TM9SF3: variants seen among roughly 807,000 people sequenced by gnomAD.
TM9SF3 encodes transmembrane 9 superfamily member 3, also known as SM-11044-binding protein.
Under a neutral mutation model 78.6 loss-of-function variants are expected in TM9SF3, and 14 were observed. The ratio of observed to expected loss-of-function variants is 0.18; its 90% CI spans 0.12 to 0.28. The LOEUF (loss-of-function observed/expected upper bound fraction) is 0.28. TM9SF3 is among the 10% of genes least tolerant of loss of function. The probability of loss-of-function intolerance (pLI) is 1.00; values close to 1 mark genes in which losing one functional copy is unlikely to be tolerated. For missense variants in TM9SF3, 496 were observed against 721.9 expected, an observed-to-expected ratio of 0.69 and a Z score of 3.59; for synonymous variants, 231 against 241.7, an observed-to-expected ratio of 0.96 and a Z score of 0.41.
chr10:96,548,697 C>T (rs1305161976), intron 7 of TM9SF3, among the ~76,000 whole-genome samples: 1 of 148,260 alleles, frequency 6.7e-6, no homozygotes, highest in Non-Finnish European at 1.5e-5. Flanking sequence ...ACTCGAGAGG[C>T]TGAGGCAGGA....
At chr10:96,575,436 AT>A (rs1246549952) in intron 2 of TM9SF3, among the ~76,000 whole-genome samples, 1 of 151,394 alleles carries the variant, frequency 6.6e-6, no homozygotes, top group African/African-American at 2.4e-5. Flanking sequence ...TAATTTTATA[AT>A]TAAGCCCCAA....
rs878911754 is a variant in TM9SF3 at position 96,522,185 on chromosome 10, CGTTT to C, written c.*74_*77del. 77 of 1,240,902 alleles carry C rather than the reference CGTTT, an allele frequency of 6.2e-5. No homozygotes were observed. Among genetic ancestry groups the C allele is most frequent in the Middle Eastern group, 5.6e-4 (3 of 5,314 alleles). 76.9% of individuals were successfully genotyped at this position (1,240,902 alleles called of 1,614,324 possible). A position where few individuals can be genotyped will look rare whatever the true frequency, so the allele number is the denominator to read the frequency against. ...GTGTTAAAGCCCAAATCTCTTCTTGCGTTTGTTTGTTTTTGCTGTGCAAGTTCCA... is the reference window on the plus strand; with the variant it reads ...GTGTTAAAGCCCAAATCTCTTCTTGCGTTTGTTTTTGCTGTGCAAGTTCCA... On this transcript the variant is annotated 3_prime_UTR_variant, in exon 15 of 15. Transcript: ENST00000371142.
chr10:96,576,440 T>C, intron 2 of TM9SF3, 194 bp downstream of exon 2: 2 of 386,340 alleles, frequency 5.2e-6, no homozygotes, highest in East Asian at 3.9e-5. Flanking sequence ...CTGGTGACTT[T>C]TTTGGTTTTC....
At chr10:96,556,017 T>C (rs189596037) in intron 5 of TM9SF3, among the ~76,000 whole-genome samples, 219 of 152,308 alleles carry the variant, frequency 1.4e-3, no homozygotes, top group African/African-American at 5.2e-3. Context: ...TATTTTCTAA[T>C]CTAAGATATA....
chr10:96,551,439 G>A, intron 6 of TM9SF3, 28 bp from the exon 7 acceptor site: 1 of 1,431,858 alleles, frequency 7.0e-7, no homozygotes, highest in South Asian at 1.6e-5. Context: ...TATAGAGAGA[G>A]AAAAGCAAAT....
At chr10:96,567,670 C>T (rs753153339) in intron 2 of TM9SF3, among the ~76,000 whole-genome samples, 2 of 152,188 alleles carry the variant, frequency 1.3e-5, no homozygotes, top group Non-Finnish European at 2.9e-5. Flanking sequence ...GCATGTAGGC[C>T]TGTACCATTT....
intron 6 of TM9SF3, 51 bp from the exon 7 acceptor site, chr10:96,551,462 A>C (rs368369817): frequency 3.0e-5 from 40 of 1,321,390 alleles, no homozygotes; most frequent in Admixed American, 2.1e-4. Context: ...TTCAGAATCA[A>C]ACTAAAACAT....
rs932437312 is a variant in TM9SF3 at position 96,522,018 on chromosome 10, T to C, written c.*245A>G. ...AGCTAGTTTTTGGGAAGATTAGCCA[T>C]GTACTGTAGTAATGCCTACTGCATA... On this transcript the variant is annotated 3_prime_UTR_variant, in exon 15 of 15. Coordinates refer to ENST00000371142, the MANE Select transcript of TM9SF3 (RefSeq NM_020123.4). 10 of 459,982 alleles carry C rather than the reference T, an allele frequency of 2.2e-5. No homozygotes were observed. The highest frequency in any genetic ancestry group is 3.8e-5 in the Non-Finnish European group (10 of 262,760). The allele number at this position is 459,982 out of a possible 1,614,324, so 28.5% of individuals were successfully genotyped here.
intron 2 of TM9SF3, among the ~76,000 whole-genome samples, chr10:96,568,685 C>T (rs551331575): frequency 1.1e-4 from 16 of 152,144 alleles, no homozygotes; most frequent in Middle Eastern, 3.4e-3. Context: ...AACAGTCTAC[C>T]TCTAATTCAG....
intron 8 of TM9SF3, among the ~76,000 whole-genome samples, chr10:96,546,477 G>T (rs1247288222): frequency 6.6e-6 from 1 of 152,166 alleles, no homozygotes; most frequent in Admixed American, 6.5e-5. Context: ...CTGCTGTGGA[G>T]ACTATTTTGA....
At chr10:96,523,513 A>G (rs1290091473) in intron 14 of TM9SF3, among the ~76,000 whole-genome samples, 2 of 151,896 alleles carry the variant, frequency 1.3e-5, no homozygotes, top group Non-Finnish European at 2.9e-5. Context: ...GAATTAGAAT[A>G]TTATAACCAC....
chr10:96,569,386 T>C (rs560924178), intron 2 of TM9SF3, among the ~76,000 whole-genome samples: 50 of 152,270 alleles, frequency 3.3e-4, no homozygotes, highest in African/African-American at 1.1e-3. Context: ...ACCCAGAGCC[T>C]ACCATCGTGC....
chr10:96,579,168 C>G (rs1024031498), intron 1 of TM9SF3, among the ~76,000 whole-genome samples: 2 of 152,162 alleles, frequency 1.3e-5, no homozygotes, highest in African/African-American at 4.8e-5. Context: ...AGTTCATTGG[C>G]AACTTGGTAA....
chr10:96,551,205 GAAC>G (rs566738554), intron 7 of TM9SF3, 37 bp downstream of exon 7: 52 of 1,476,032 alleles, frequency 3.5e-5, no homozygotes, highest in Middle Eastern at 1.8e-4. Flanking sequence ...AACTATTTAA[GAAC>G]AATAAAGACA....
At chr10:96,543,311 C>T (rs960724206) in intron 9 of TM9SF3, among the ~76,000 whole-genome samples, 1 of 148,514 alleles carries the variant, frequency 6.7e-6, no homozygotes, top group African/African-American at 2.5e-5. Context: ...TCTATAGCAA[C>T]GTATATTATT....
intron 3 of TM9SF3, 77 bp from the exon 4 acceptor site, chr10:96,562,215 A>ATTTT: frequency 8.1e-5 from 77 of 952,718 alleles, no homozygotes; most frequent in African/African-American, 2.7e-4. Context: ...ATGCTCATTA[A>ATTTT]GTTTTTTTTT....
At chr10:96,577,954 T>A (rs1217177176) in intron 1 of TM9SF3, among the ~76,000 whole-genome samples, 1 of 152,138 alleles carries the variant, frequency 6.6e-6, no homozygotes, top group Non-Finnish European at 1.5e-5. Context: ...AAACCTAACA[T>A]CTCCAAAACC....
In TM9SF3 at chr10:96,527,159, G is replaced by A. The variant is rs774412424; in HGVS notation, c.1702+54C>T. 87 of 1,450,154 alleles carry A rather than the reference G, an allele frequency of 6.0e-5. 1 individual carries two copies. In the Admixed American group the frequency reaches 1.3e-3, roughly 21 times the overall value. 89.8% of individuals were successfully genotyped at this position (1,450,154 alleles called of 1,614,324 possible). ...TTAATTTCCAATTACTGTATTTTTC[G>A]GATTTAGAGAAACTCAGATTTACTC... is the stretch of plus-strand genomic sequence containing the variant. On this transcript the variant is annotated intron_variant, in intron 14 of 14. Coordinates refer to ENST00000371142, the MANE Select transcript of TM9SF3 (RefSeq NM_020123.4).
chr10:96,581,119 T>C (rs1848564128), intron 1 of TM9SF3, among the ~76,000 whole-genome samples: 1 of 152,196 alleles, frequency 6.6e-6, no homozygotes, highest in African/African-American at 2.4e-5. Context: ...TAAGAAGCTA[T>C]TTGCACTCTA....
Sources: allele counts gnomAD v4.1 joint callset (sites outside exome capture counted in the v4.1 genomes callset), GRCh38; gene constraint gnomAD v4.1.1; transcripts MANE v1.5; gene names NCBI Gene and HGNC (gene_info 2026-07-23, HGNC 2026-07-21).